CELSR1: variants seen among roughly 807,000 people sequenced by gnomAD.
CELSR1 encodes the protein adhesion G protein-coupled receptor C1.
In CELSR1, 110 loss-of-function variants were observed where a neutral mutation model predicts 249.1. The ratio of observed to expected loss-of-function variants is 0.44; its 90% confidence interval spans 0.38 to 0.52. The LOEUF is 0.52. Ranked by LOEUF, CELSR1 falls within the 20% of genes least tolerant of loss-of-function variation. The pLI is 0.00. For synonymous variants in CELSR1, 2,113 were observed against 1,900.0 expected, an observed-to-expected ratio of 1.11 and a Z score of -2.92; for missense variants, 4,109 against 4,296.4, an observed-to-expected ratio of 0.96 and a Z score of 1.22.
Position 46,536,383 on chromosome 22 carries a change from A to C in CELSR1, c.788T>G (p.Leu263Arg). The change falls in exon 1 of 35, where the codon CTC becomes CGC. Residue 263 changes from leucine to arginine, a missense_variant. Coordinates refer to ENST00000674500, the MANE Select transcript of CELSR1 (RefSeq NM_001378328.1). ...ALFENEPAGT[L>R]ILQLHAHYTI... Reference sequence around the variant, plus strand: ...GTAGTGCGCGTGCAGCTGGAGGATGAGGGTGCCCGCCGGTTCGTTCTCAAA... The same window carrying C: ...GTAGTGCGCGTGCAGCTGGAGGATGCGGGTGCCCGCCGGTTCGTTCTCAAA... The C allele has an allele frequency of 6.2e-7, 1 of 1,612,136 alleles. No individual in the cohort carries two copies.
chr22:46,397,770 C>T lies in CELSR1; in HGVS notation c.5605G>A (p.Gly1869Ser), dbSNP rs781270030. 3.1e-5 allele frequency: 50 copies of T among 1,603,026 alleles called. No homozygotes were observed. Among genetic ancestry groups the T allele is most frequent in the South Asian group, 2.0e-4 (18 of 88,952 alleles). Residue 1869 changes from glycine (G) to serine (S), a missense_variant, in exon 12 of 35, where the codon GGC becomes AGC. Gly to Ser is a moderately conservative substitution (Grantham distance 56). Coordinates refer to ENST00000674500, the MANE Select transcript of CELSR1 (RefSeq NM_001378328.1). ...NNALKVRVKD[G>S]CDVDDPCTSS... ...GTACAGGGGTCGTCCACATCACAGC[C>T]GTCCTTCACCCTGACCTTGAGTGCG...
intron 25 of CELSR1, 48 bp from the exon 26 acceptor site, chr22:46,369,852 G>A: frequency 6.5e-7 from 1 of 1,538,798 alleles, no homozygotes; most frequent in Non-Finnish European, 9.0e-7. Flanking sequence ...CGTGCCCAGT[G>A]GCCACCCCAT....
chr22:46,391,054 G>A lies in CELSR1; in HGVS notation c.6250+132C>T, dbSNP rs79646210. ...ATTTCCTGGTAGGGAAAAGGCGATCGGATTTCTCCCCAGCACTTTGCCTGC... is the reference window on the plus strand; with the variant it reads ...ATTTCCTGGTAGGGAAAAGGCGATCAGATTTCTCCCCAGCACTTTGCCTGC... On this transcript the variant is annotated intron_variant, in intron 16 of 34. Transcript: ENST00000674500. This position sits in a 1 kb window ranked among gnomAD's most constrained non-coding sequence, Gnocchi z 4.3. The A allele has an allele frequency of 4.3e-3, 3,078 of 710,130 alleles. 72 individuals carry two copies. In the African/African-American group the frequency reaches 0.048, roughly 11 times the overall value. The allele number at this position is 710,130 out of a possible 1,614,324, so 44.0% of individuals were successfully genotyped here. A position where few individuals can be genotyped will look rare whatever the true frequency, so the allele number is the denominator to read the frequency against.
At chr22:46,420,519 T>C (rs1016835250) in intron 5 of CELSR1, among the ~76,000 whole-genome samples, 3 of 152,168 alleles carry the variant, frequency 2.0e-5, no homozygotes, top group Admixed American at 1.3e-4. Context: ...CCCACTCACA[T>C]CATTCATACT....
Position 46,534,456 on chromosome 22 carries a change from A to T in CELSR1, c.2715T>A (p.Ala905=), listed in dbSNP as rs961104281. The change falls in exon 1 of 35, where the codon GCT becomes GCA. Residue 905 remains alanine, a synonymous_variant. Coordinates refer to ENST00000674500, the MANE Select transcript of CELSR1 (RefSeq NM_001378328.1). The surrounding 1 kb of genome is among the most constrained non-coding windows in gnomAD (Gnocchi z 9.7). ...CCTGGAGGATGCTGGTCGAGGGTGG[A>T]GCATCCTCAAAGATGGAACCCTGGT... is the stretch of plus-strand genomic sequence containing the variant. ...DFYQGSIFED[A]PPSTSILQVS... 8 of 1,613,028 alleles carry T rather than the reference A, an allele frequency of 5.0e-6. No homozygotes were observed. In the African/African-American group the frequency reaches 1.1e-4, roughly 21 times the overall value.
chr22:46,459,463 G>A (rs2079995086), intron 2 of CELSR1, among the ~76,000 whole-genome samples: 1 of 152,198 alleles, frequency 6.6e-6, no homozygotes, highest in African/African-American at 2.4e-5. Context: ...AACAAATGAT[G>A]CAAGAGGAAG....
chr22:46,394,261 G>C lies in CELSR1; in HGVS notation c.5845C>G (p.Leu1949Val), dbSNP rs2079125357. 1 of 1,612,474 alleles carries C rather than the reference G, an allele frequency of 6.2e-7. No homozygotes were observed. Among genetic ancestry groups the C allele is most frequent in the Non-Finnish European group, 8.5e-7 (1 of 1,179,380 alleles). The change falls in exon 14 of 35, where the codon CTC becomes GTC. Residue 1949 changes from leucine (L) to valine (V), a missense_variant and splice_region_variant. This residue lies in a region of CELSR1 where 1,805 missense variants were observed against 1,831.6 expected (regional missense o/e 0.99). Transcript: ENST00000674500. ...SHYGPYCENK[L>V]DLPCPRGWWG... is the part of the protein sequence containing the mutation. ...CAGCCTCTGGGGCACGGAAGGTCGA[G>C]TCTGTGGGGAAAATAAGAGGGCAGC...
intron 2 of CELSR1, among the ~76,000 whole-genome samples, chr22:46,461,747 T>A (rs190312471): frequency 6.6e-6 from 1 of 152,228 alleles, no homozygotes; most frequent in Non-Finnish European, 1.5e-5. Context: ...TGCCAACTCT[T>A]GGGAGCGTAA....
In CELSR1 at chr22:46,473,063, C is replaced by T. The variant is rs1207415381; in HGVS notation, c.3545-8718G>A. Among the ~76,000 whole-genome samples, 3 of 152,152 alleles carry T rather than the reference C, an allele frequency of 2.0e-5. No homozygotes were observed. In the East Asian group the frequency reaches 5.8e-4, roughly 29 times the overall value. ...ATGCAGAGTAGCGGAGAGACACGGG[C>T]ACGGAGGCAGGGGGTGGGTGAACCT... On this transcript the variant is annotated intron_variant, in intron 1 of 34. Coordinates refer to ENST00000674500, the MANE Select transcript of CELSR1 (RefSeq NM_001378328.1). This position sits in a 1 kb window ranked among gnomAD's most constrained non-coding sequence, Gnocchi z 6.6.
chr22:46,387,131 T>C (rs1007498858), intron 18 of CELSR1, among the ~76,000 whole-genome samples: 1 of 152,230 alleles, frequency 6.6e-6, no homozygotes, highest in Non-Finnish European at 1.5e-5. Context: ...ACAAAGTATA[T>C]TAAAATCTAG....
intron 18 of CELSR1, among the ~76,000 whole-genome samples, 184 bp downstream of exon 18, chr22:46,389,106 C>T (rs779237091): frequency 3.3e-5 from 5 of 152,236 alleles, no homozygotes; most frequent in African/African-American, 9.6e-5. Flanking sequence ...CACTCCCTAA[C>T]GCTCGTCGTC....
Position 46,391,079 on chromosome 22 carries a change from C to T in CELSR1, c.6250+107G>A, listed in dbSNP as rs947436998. On this transcript the variant is annotated intron_variant, in intron 16 of 34. Transcript: ENST00000674500. The surrounding 1 kb of genome is among the most constrained non-coding windows in gnomAD (Gnocchi z 4.3). ...GGATTTCTCCCCAGCACTTTGCCTG[C>T]GGATATTTTTTCAACACGAAACATT... 39 of 882,798 alleles carry T rather than the reference C, an allele frequency of 4.4e-5. No homozygotes were observed. Among genetic ancestry groups the T allele is most frequent in the Middle Eastern group, 4.5e-4 (2 of 4,452 alleles). The allele number at this position is 882,798 out of a possible 1,614,324, so 54.7% of individuals were successfully genotyped here.
rs753622321 is a variant in CELSR1, at chr22:46,439,393, T to C, written c.4202A>G (p.Asp1401Gly). The C allele has an allele frequency of 6.2e-7, 1 of 1,613,124 alleles. No homozygotes were observed. The highest frequency in any genetic ancestry group is 1.7e-5 in the Admixed American group (1 of 60,018). The change falls in exon 3 of 35, where the codon GAT becomes GGT. Residue 1401 changes from aspartate to glycine, a missense_variant. Coordinates refer to ENST00000674500, the MANE Select transcript of CELSR1 (RefSeq NM_001378328.1). ...EDFTGEHCEV[D>G]ARSGRCANGV... The stretch of plus-strand genomic sequence containing the variant: ...GTTGGCACAGCGGCCTGAGCGGGCA[T>C]CCACCTCACAGTGCTCTCCTGGGGG...
chr22:46,495,331 T>C (rs548434340), intron 1 of CELSR1, among the ~76,000 whole-genome samples: 2 of 152,276 alleles, frequency 1.3e-5, no homozygotes, highest in East Asian at 3.9e-4. Flanking sequence ...TCTAAACATA[T>C]CTAAATATAG....
rs116687531 is a variant in CELSR1 at position 46,420,383 on chromosome 22, T to G, written c.4612-8624A>C. Reference sequence around the variant, plus strand: ...ATGTGCATGCTCACCCACTCAAATGTGCACTCACCCACACATTTACACGTG... The same window carrying G: ...ATGTGCATGCTCACCCACTCAAATGGGCACTCACCCACACATTTACACGTG... On this transcript the variant is annotated intron_variant, in intron 5 of 34. Transcript: ENST00000674500. Among the ~76,000 whole-genome samples the G allele has an allele frequency of 6.1e-3, 932 of 151,598 alleles. 13 individuals are homozygous for G. Among genetic ancestry groups the G allele is most frequent in the African/African-American group, 0.018 (733 of 41,332 alleles).
In CELSR1 at chr22:46,410,691, G is replaced by T. The variant is rs561733077; in HGVS notation, c.4770-130C>A. The stretch of plus-strand genomic sequence containing the variant: ...TTCAGAAACCAAGCAGACAGGCGGG[G>T]AGAGGCCAAAGTCAGAGGGGGCTCC... On this transcript the variant is annotated intron_variant, in intron 6 of 34. Coordinates refer to ENST00000674500, the MANE Select transcript of CELSR1 (RefSeq NM_001378328.1). The surrounding 1 kb of genome is among the most constrained non-coding windows in gnomAD (Gnocchi z 6.8). 44 of 910,164 alleles carry T rather than the reference G, an allele frequency of 4.8e-5. No individual in the cohort carries two copies. The African/African-American group carries it at 6.2e-4, about 13-fold the overall frequency. The allele number at this position is 910,164 out of a possible 1,614,324, so 56.4% of individuals were successfully genotyped here. A position where few individuals can be genotyped will look rare whatever the true frequency, so the allele number is the denominator to read the frequency against.
rs1176768777 is a variant in CELSR1 at position 46,361,986 on chromosome 22, C to T, written c.*1237G>A. 6.6e-6 allele frequency: 1 copy of T among 152,116 alleles called. No individual in the cohort carries two copies. Among genetic ancestry groups the T allele is most frequent in the Non-Finnish European group, 1.5e-5 (1 of 67,998 alleles). The allele number at this position is 152,116 out of a possible 1,614,324, so 9.4% of individuals were successfully genotyped here. A position where few individuals can be genotyped will look rare whatever the true frequency, so the allele number is the denominator to read the frequency against. On this transcript the variant is annotated 3_prime_UTR_variant, in exon 35 of 35. Transcript: ENST00000674500. ...TGAAGAGTGTGGCTGTGGCTTTGTC[C>T]CTCTGCACAATTGGCCATTTGAAGC... is the stretch of plus-strand genomic sequence containing the variant.
intron 20 of CELSR1, among the ~76,000 whole-genome samples, chr22:46,383,145 G>A (rs1048734840): frequency 6.6e-6 from 1 of 152,182 alleles, no homozygotes; most frequent in African/African-American, 2.4e-5. Context: ...GTTCCAGAGA[G>A]AGCTGGCTGC....
At chr22:46,456,390 T>C (rs916756974) in intron 2 of CELSR1, among the ~76,000 whole-genome samples, 1 of 151,992 alleles carries the variant, frequency 6.6e-6, no homozygotes, top group Non-Finnish European at 1.5e-5. Flanking sequence ...CCGGGCACGG[T>C]GGCTCACGCC....
Sources: gnomAD v4.1 joint callset for allele counts (sites outside exome capture counted in the v4.1 genomes callset) on GRCh38, gnomAD v4.1.1 for gene constraint, gnomAD v4.1.1 regional missense constraint, Gnocchi (gnomAD v3.1) non-coding constraint, MANE v1.5 for transcripts, NCBI Gene and HGNC (gene_info 2026-07-23, HGNC 2026-07-21) for gene names.